Variants in LPO observed in about 807,000 individuals in gnomAD.
LPO encodes lactoperoxidase.
LPO carries 70 observed loss-of-function variants against 68.4 expected under a neutral mutation model. That is an observed-to-expected ratio of 1.02 (90% CI 0.84 to 1.25). LPO has a LOEUF of 1.25. Ranked by LOEUF, LPO falls within the 50% of genes most tolerant of loss-of-function variation. The pLI is 0.00. For missense variants in LPO, 873 were observed against 908.4 expected, an observed-to-expected ratio of 0.96 and a Z score of 0.50; for synonymous variants, 360 against 357.6, an observed-to-expected ratio of 1.01 and a Z score of -0.08.
intron 10 of LPO, among the ~76,000 whole-genome samples, chr17:58,265,179 G>T (rs1970240769): frequency 6.6e-6 from 1 of 152,164 alleles, no homozygotes; most frequent in Admixed American, 6.5e-5. Context: ...CATTAAATGA[G>T]ATATACATGT....
chr17:58,263,977 A>G (rs1172599667), intron 9 of LPO, among the ~76,000 whole-genome samples: 1 of 152,100 alleles, frequency 6.6e-6, no homozygotes, highest in Admixed American at 6.5e-5. Flanking sequence ...GCAACCTTCT[A>G]GGGGAACAGG....
Position 58,267,606 on chromosome 17 carries a change from G to A in LPO, c.1931+20G>A. ...AGACAGGCAAGTGCGTCCTCAGCCA[G>A]GGAGGGAAGGGCAGGGCCCTTCTCC... On this transcript the variant is annotated intron_variant, in intron 12 of 12. Transcript: ENST00000262290. 3 of 1,587,430 alleles carry A rather than the reference G, an allele frequency of 1.9e-6. No individual in the cohort carries two copies. The highest frequency in any genetic ancestry group is 2.6e-6 in the Non-Finnish European group (3 of 1,163,582).
intron 4 of LPO, 85 bp from the exon 5 acceptor site, chr17:58,248,975 C>T: frequency 1.0e-6 from 1 of 981,086 alleles, no homozygotes; most frequent in Non-Finnish European, 1.7e-6. Context: ...CATGCAGGTT[C>T]ACCTCTGGTC....
At position 58,244,127 on chromosome 17, in the gene LPO, ACACACT is replaced by A. The variant is rs756203358; in HGVS notation, c.164+47_164+52del. The A allele has an allele frequency of 1.7e-4, 217 of 1,284,076 alleles. No homozygotes were observed. The African/African-American group carries it at 2.5e-3, about 15-fold the overall frequency. The allele number at this position is 1,284,076 out of a possible 1,614,324, so 79.5% of individuals were successfully genotyped here. A position where few individuals can be genotyped will look rare whatever the true frequency, so the allele number is the denominator to read the frequency against. On this transcript the variant is annotated intron_variant, in intron 3 of 12. Coordinates refer to ENST00000262290, the MANE Select transcript of LPO (RefSeq NM_006151.3). ...CACACACACACACACACACACACAC[ACACACT>A]TCCCTTCACAGGCTTCCTGTTCATG...
intron 1 of LPO, among the ~76,000 whole-genome samples, chr17:58,240,909 A>G (rs528924643): frequency 6.1e-4 from 93 of 152,238 alleles, no homozygotes; most frequent in African/African-American, 2.1e-3. Flanking sequence ...AATCAGTGAT[A>G]TGGTGGTTGC....
chr17:58,254,677 A>T, intron 8 of LPO, 134 bp from the exon 9 acceptor site: 1 of 732,126 alleles, frequency 1.4e-6, no homozygotes, highest in Non-Finnish European at 2.1e-6. Context: ...TATTCACCTG[A>T]CGGGAAGTAG....
At position 58,243,103 on chromosome 17, in the gene LPO, C is replaced by T. The variant is rs183208639; in HGVS notation, c.76+48C>T. 1,984 of 1,554,528 alleles carry T rather than the reference C, an allele frequency of 1.3e-3. 28 individuals carry two copies. The highest frequency in any genetic ancestry group is 2.7e-4 in the Non-Finnish European group (308 of 1,127,550). ...TTTCTGGGGCTGCTGTCACAAAGCA[C>T]ACCAACTGGATGGCCTAAGACAACA... On this transcript the variant is annotated intron_variant, in intron 2 of 12. Coordinates refer to ENST00000262290, the MANE Select transcript of LPO (RefSeq NM_006151.3).
intron 3 of LPO, chr17:58,244,502 TG>T (rs1969818597): frequency 5.5e-6 from 1 of 180,718 alleles, no homozygotes; most frequent in African/African-American, 2.4e-5. Context: ...ATTAGGGGAA[TG>T]CTCACAAGGA....
At chr17:58,240,250 C>A (rs1467575547) in intron 1 of LPO, among the ~76,000 whole-genome samples, 1 of 152,142 alleles carries the variant, frequency 6.6e-6, no homozygotes, top group African/African-American at 2.4e-5. Context: ...GGATTGTGGA[C>A]CAGCCTGGCA....
chr17:58,248,268 T>C (rs933646479), intron 4 of LPO, among the ~76,000 whole-genome samples: 2 of 152,162 alleles, frequency 1.3e-5, no homozygotes, highest in African/African-American at 4.8e-5. Context: ...TGAGGGGGGA[T>C]ACCTGGCCCA....
At chr17:58,251,511 G>A in intron 7 of LPO, 3 of 212,712 alleles carry the variant, frequency 1.4e-5, no homozygotes, top group Middle Eastern at 2.0e-3. Flanking sequence ...CCATCCGGAA[G>A]GGAGAGGAGC....
chr17:58,265,011 C>A (rs1042204922), intron 10 of LPO, 37 bp downstream of exon 10: 1 of 1,608,946 alleles, frequency 6.2e-7, no homozygotes, highest in Admixed American at 1.7e-5. Context: ...ACCTGGGTCT[C>A]CCACTCCGCA....
At chr17:58,262,100 T>C (rs1157574189) in intron 9 of LPO, among the ~76,000 whole-genome samples, 2 of 152,222 alleles carry the variant, frequency 1.3e-5, no homozygotes, top group Non-Finnish European at 2.9e-5. Context: ...ACCCATTACA[T>C]TGTTCTTCTT....
At position 58,250,478 on chromosome 17, in the gene LPO, A is replaced by C. The variant is rs1441789244; in HGVS notation, c.637A>C (p.Arg213=). The part of the protein sequence containing the change: ...LNEEGVLDQN[R]SLLFMQWGQI... ...TGAGGAGGGTGTTCTGGACCAAAAC[A>C]GGTCCCTGCTCTTCATGCAGTGGGG... The change falls in exon 7 of 13, where the codon AGG becomes CGG. Residue 213 remains arginine, a synonymous_variant. Coordinates refer to ENST00000262290, the MANE Select transcript of LPO (RefSeq NM_006151.3). 6.2e-7 allele frequency: 1 copy of C among 1,614,064 alleles called. No homozygotes were observed. The highest frequency in any genetic ancestry group is 1.3e-5 in the African/African-American group (1 of 74,914).
At chr17:58,240,139 CT>C (rs1392327471) in intron 1 of LPO, among the ~76,000 whole-genome samples, 1 of 152,156 alleles carries the variant, frequency 6.6e-6, no homozygotes, top group African/African-American at 2.4e-5. Flanking sequence ...AACTGGTAAA[CT>C]TCACAGAGGA....
intron 3 of LPO, 88 bp downstream of exon 3, chr17:58,244,169 C>T: frequency 9.2e-7 from 1 of 1,088,322 alleles, no homozygotes; most frequent in Non-Finnish European, 1.4e-6. Context: ...ACAAGCACAT[C>T]TAGGCCAGCC....
At chr17:58,251,756 C>A (rs1281277717) in intron 7 of LPO, 1 of 453,794 alleles carries the variant, frequency 2.2e-6, no homozygotes, top group African/African-American at 2.0e-5. Flanking sequence ...AATTGTCCAC[C>A]TTACAGGGTT....
chr17:58,253,695 A>T (rs1414228848), intron 8 of LPO, among the ~76,000 whole-genome samples: 1 of 152,230 alleles, frequency 6.6e-6, no homozygotes, highest in East Asian at 1.9e-4. Context: ...TTAGGCCAAG[A>T]TACCTTTATA....
rs1970289696 is a variant in LPO, at chr17:58,267,424, G to A, written c.1769G>A (p.Ser590Asn). The A allele has an allele frequency of 1.2e-6, 2 of 1,614,134 alleles. No homozygotes were observed. Among genetic ancestry groups the A allele is most frequent in the Non-Finnish European group, 1.7e-6 (2 of 1,180,052 alleles). ...GAGGAGTTGAACACAGTGCTGAAGA[G>A]CAAGATGCTGGCCAAGAAGTTACTG... ...TLEELNTVLK[S>N]KMLAKKLLGL... Residue 590 changes from serine (S) to asparagine (N), a missense_variant, in exon 12 of 13, where the codon AGC becomes AAC. Physicochemically the swap from Ser to Asn is conservative, Grantham distance 46 (BLOSUM62 1). Coordinates refer to ENST00000262290, the MANE Select transcript of LPO (RefSeq NM_006151.3).
Sources: gnomAD v4.1 joint callset for allele counts (sites outside exome capture counted in the v4.1 genomes callset) on GRCh38, gnomAD v4.1.1 for gene constraint, MANE v1.5 for transcripts, NCBI Gene and HGNC (gene_info 2026-07-23, HGNC 2026-07-21) for gene names.